Variants in MBL2 observed in about 807,000 individuals in gnomAD.
The protein encoded by MBL2 is mannose binding lectin 2.
Under a neutral mutation model 12.7 loss-of-function variants are expected in MBL2, and 6 were observed. That is an observed-to-expected ratio of 0.47 (90% confidence interval 0.26 to 0.94). The LOEUF (loss-of-function observed/expected upper bound fraction) is 0.94. MBL2 is among the 40% of genes least tolerant of loss of function. The probability of loss-of-function intolerance (pLI) is 0.15; values close to 1 mark genes in which losing one functional copy is unlikely to be tolerated. For missense variants in MBL2, 307 were observed against 295.2 expected, an observed-to-expected ratio of 1.04 and a Z score of -0.29; for synonymous variants, 114 against 112.0, an observed-to-expected ratio of 1.02 and a Z score of -0.11.
chr10:52,772,599 G>T lies in MBL2; in HGVS notation c.-10+138C>A, dbSNP rs993591650. The T allele has an allele frequency of 2.2e-5, 6 of 273,982 alleles. No homozygotes were observed. The South Asian group carries it at 5.6e-4, about 26-fold the overall frequency. The allele number at this position is 273,982 out of a possible 1,614,324, so 17.0% of individuals were successfully genotyped here. ...AGATGCTCCAGCACAAGCAGAAAAAGAGACATCCTCAACCTGATTTCTGCT... is the reference window on the plus strand; with the variant it reads ...AGATGCTCCAGCACAAGCAGAAAAATAGACATCCTCAACCTGATTTCTGCT... On this transcript the variant is annotated intron_variant, in intron 1 of 4. Coordinates refer to ENST00000674931, the MANE Select transcript of MBL2 (RefSeq NM_001378373.1).
At position 52,768,317 on chromosome 10, in the gene MBL2, C is replaced by T. The variant is rs750051774; in HGVS notation, c.567G>A (p.Glu189=). The T allele has an allele frequency of 3.7e-6, 6 of 1,613,900 alleles. No homozygotes were observed. The South Asian group carries it at 6.6e-5, about 18-fold the overall frequency. The change falls in exon 5 of 5, where the codon GAG becomes GAA. Residue 189 remains glutamate, a synonymous_variant. Coordinates refer to ENST00000674931, the MANE Select transcript of MBL2 (RefSeq NM_001378373.1). ...KEEAFLGITD[E]KTEGQFVDLT... ...GATCCACAAACTGCCCTTCTGTCTT[C>T]TCATCAGTGATGCCCAGGAAGGCTT... is the stretch of plus-strand genomic sequence containing the variant.
In MBL2 at chr10:52,768,599, C is replaced by T. The variant is rs79234922; in HGVS notation, c.374-89G>A. On this transcript the variant is annotated intron_variant, in intron 4 of 4. Transcript: ENST00000674931. ...GAAAAAGTCTTCTAGAGTACAGTTG[C>T]CGGATAAAATATAGTATGTCCAGTT... 7 of 888,326 alleles carry T rather than the reference C, an allele frequency of 7.9e-6. No individual in the cohort carries two copies. The East Asian group carries it at 1.3e-4, about 16-fold the overall frequency. The allele number at this position is 888,326 out of a possible 1,614,324, so 55.0% of individuals were successfully genotyped here.
At position 52,769,255 on chromosome 10, in the gene MBL2, A is replaced by T; in HGVS notation, c.365T>A (p.Ile122Asn). The T allele has an allele frequency of 6.2e-7, 1 of 1,609,112 alleles. No individual in the cohort carries two copies. The highest frequency in any genetic ancestry group is 8.5e-7 in the Non-Finnish European group (1 of 1,178,112). The change falls in exon 4 of 5, where the codon ATC becomes AAC. Residue 122 changes from isoleucine (I) to asparagine (N), a missense_variant. Transcript: ENST00000674931. ...RKALQTEMARIKKWLTFSLGK... is the reference protein window; with the variant it reads ...RKALQTEMARNKKWLTFSLGK... The stretch of plus-strand genomic sequence containing the variant: ...TAAGAGAAAAAGCTTACACTTTTTG[A>T]TACGTGCCATTTCTGTTTGCAGAGC...
chr10:52,769,477 A>C (rs1361144072), intron 3 of MBL2, among the ~76,000 whole-genome samples, 162 bp from the exon 4 acceptor site: 1 of 152,184 alleles, frequency 6.6e-6, no homozygotes, highest in African/African-American at 2.4e-5. Context: ...AAGCCCAAAG[A>C]ATGAAAAATC....
chr10:52,770,187 T>C (rs1014454732), intron 3 of MBL2, among the ~76,000 whole-genome samples: 1 of 152,228 alleles, frequency 6.6e-6, no homozygotes, highest in Non-Finnish European at 1.5e-5. Context: ...GACATGTGGG[T>C]AAGCCCAGCT....
Position 52,766,811 on chromosome 10 carries a change from A to G in MBL2, c.*1326T>C, listed in dbSNP as rs1401530904. The G allele has an allele frequency of 2.7e-5, 4 of 150,720 alleles. No individual in the cohort carries two copies. The highest frequency in any genetic ancestry group is 2.0e-4 in the Admixed American group (3 of 15,180). The allele number at this position is 150,720 out of a possible 1,614,324, so 9.3% of individuals were successfully genotyped here. ...TAACTTAAAAATCAGTAAGAAAAAT[A>G]TTGGCTAACTAATTTAAACAAAATA... On this transcript the variant is annotated 3_prime_UTR_variant, in exon 5 of 5. Transcript: ENST00000674931.
chr10:52,768,660 T>C, intron 4 of MBL2, 150 bp from the exon 5 acceptor site: 1 of 577,734 alleles, frequency 1.7e-6, no homozygotes, highest in Non-Finnish European at 2.9e-6. Context: ...AATATTTTAG[T>C]ATATCTCCCA....
chr10:52,770,612 A>ACCT, intron 3 of MBL2, 58 bp downstream of exon 3: 1 of 1,075,114 alleles, frequency 9.3e-7, no homozygotes, highest in Non-Finnish European at 1.3e-6. Flanking sequence ...CTCTTACCAG[A>ACCT]TACTCAAGGT....
Position 52,770,718 on chromosome 10 carries a change from C to A in MBL2, c.256G>T (p.Gly86Trp). 1 of 1,524,822 alleles carries A rather than the reference C, an allele frequency of 6.6e-7. No individual in the cohort carries two copies. The highest frequency in any genetic ancestry group is 1.3e-5 in the South Asian group (1 of 78,810). 94.5% of individuals were successfully genotyped at this position (1,524,822 alleles called of 1,614,324 possible). Residue 86 changes from glycine to tryptophan, a missense_variant, in exon 3 of 5, where the codon GGG (glycine) becomes TGG (tryptophan). Gly to Trp is a radical substitution (Grantham distance 184). Transcript: ENST00000674931. Reference sequence around the variant, plus strand: ...TTTTGGCCCTTTGGTCCTGGTGACCCAGAAGGCCCTGGATTTCCTGGAGGC... The same window carrying A: ...TTTTGGCCCTTTGGTCCTGGTGACCAAGAAGGCCCTGGATTTCCTGGAGGC... ...LGPPGNPGPS[G>W]SPGPKGQKGD...
chr10:52,769,648 A>G (rs1370410573), intron 3 of MBL2, among the ~76,000 whole-genome samples: 1 of 152,184 alleles, frequency 6.6e-6, no homozygotes, highest in African/African-American at 2.4e-5. Context: ...TATCAAAACT[A>G]AAAAGAAATC....
chr10:52,770,438 T>TA (rs111430970), intron 3 of MBL2, among the ~76,000 whole-genome samples: 2 of 152,240 alleles, frequency 1.3e-5, no homozygotes, highest in African/African-American at 4.8e-5. Context: ...GCTCAGCTCT[T>TA]ACAGGGAGTG....
chr10:52,767,340 G>A lies in MBL2; in HGVS notation c.*797C>T, dbSNP rs2132690145. On this transcript the variant is annotated 3_prime_UTR_variant, in exon 5 of 5. Transcript: ENST00000674931. ...GATGAAACTTTTGTACACATGACAT[G>A]AATGAATCTCACAGACTTAATTCTG... 6.6e-6 allele frequency: 1 copy of A among 152,112 alleles called. No individual in the cohort carries two copies. The highest frequency in any genetic ancestry group is 2.1e-4 in the South Asian group (1 of 4,830). The allele number at this position is 152,112 out of a possible 1,614,324, so 9.4% of individuals were successfully genotyped here. A position where few individuals can be genotyped will look rare whatever the true frequency, so the allele number is the denominator to read the frequency against.
rs1840377083 is a variant in MBL2, at chr10:52,770,707, T to A, written c.267A>T (p.Gly89=). 1 of 1,520,496 alleles carries A rather than the reference T, an allele frequency of 6.6e-7. No individual in the cohort carries two copies. Among genetic ancestry groups the A allele is most frequent in the Non-Finnish European group, 8.9e-7 (1 of 1,126,048 alleles). 94.2% of individuals were successfully genotyped at this position (1,520,496 alleles called of 1,614,324 possible). The change falls in exon 3 of 5, where the codon GGA becomes GGT. Residue 89 remains glycine, a synonymous_variant. Transcript: ENST00000674931. ...CAGGGTCTCCTTTTTGGCCCTTTGGTCCTGGTGACCCAGAAGGCCCTGGAT... is the reference window on the plus strand; with the variant it reads ...CAGGGTCTCCTTTTTGGCCCTTTGGACCTGGTGACCCAGAAGGCCCTGGAT... The part of the protein sequence containing the change: ...PGNPGPSGSP[G]PKGQKGDPGK...
At position 52,769,306 on chromosome 10, in the gene MBL2, C is replaced by T. The variant is rs137974936; in HGVS notation, c.314G>A (p.Ser105Asn). The part of the protein sequence containing the change: ...GDPGKSPDGD[S>N]SLAASERKAL... Reference sequence around the variant, plus strand: ...TTTTCTTTCTGAGGCAGCCAGGCTACTATCACCATCTAGAAAATTAGAACA... The same window carrying T: ...TTTTCTTTCTGAGGCAGCCAGGCTATTATCACCATCTAGAAAATTAGAACA... Residue 105 changes from serine to asparagine, a missense_variant, in exon 4 of 5, where the codon AGT (serine) becomes AAT (asparagine). Coordinates refer to ENST00000674931, the MANE Select transcript of MBL2 (RefSeq NM_001378373.1). 1 of 1,608,622 alleles carries T rather than the reference C, an allele frequency of 6.2e-7. No individual in the cohort carries two copies. Among genetic ancestry groups the T allele is most frequent in the East Asian group, 2.2e-5 (1 of 44,832 alleles).
At chr10:52,768,613 G>T in intron 4 of MBL2, 103 bp from the exon 5 acceptor site, 2 of 738,648 alleles carry the variant, frequency 2.7e-6, no homozygotes, top group Non-Finnish European at 4.3e-6. Context: ...ATAAAATATA[G>T]TATGTCCAGT....
At position 52,768,240 on chromosome 10, in the gene MBL2, T is replaced by G; in HGVS notation, c.644A>C (p.Asn215Thr). 1 of 1,613,880 alleles carries G rather than the reference T, an allele frequency of 6.2e-7. No individual in the cohort carries two copies. The highest frequency in any genetic ancestry group is 8.5e-7 in the Non-Finnish European group (1 of 1,180,026). Residue 215 changes from asparagine to threonine, a missense_variant, in exon 5 of 5, where the codon AAT (asparagine) becomes ACT (threonine). Transcript: ENST00000674931. ...YTNWNEGEPNNAGSDEDCVLL... is the reference protein window; with the variant it reads ...YTNWNEGEPNTAGSDEDCVLL... Reference sequence around the variant, plus strand: ...TACACAATCTTCATCAGAACCAGCATTGTTGGGTTCACCCTCGTTCCAGTT... The same window carrying G: ...TACACAATCTTCATCAGAACCAGCAGTGTTGGGTTCACCCTCGTTCCAGTT...
intron 3 of MBL2, among the ~76,000 whole-genome samples, chr10:52,769,594 A>G (rs1464928415): frequency 6.6e-6 from 1 of 152,214 alleles, no homozygotes; most frequent in Non-Finnish European, 1.5e-5. Context: ...CTAGCAATCC[A>G]TATGCCAGGT....
At position 52,766,768 on chromosome 10, in the gene MBL2, A is replaced by G. The variant is rs1013075119; in HGVS notation, c.*1369T>C. On this transcript the variant is annotated 3_prime_UTR_variant, in exon 5 of 5. Coordinates refer to ENST00000674931, the MANE Select transcript of MBL2 (RefSeq NM_001378373.1). ...ATTTGTAATACACATTAAAAAGGACATATTCAGAATGTAAAAATAACTTAA... is the reference window on the plus strand; with the variant it reads ...ATTTGTAATACACATTAAAAAGGACGTATTCAGAATGTAAAAATAACTTAA... 6.6e-6 allele frequency: 1 copy of G among 150,660 alleles called. No individual in the cohort carries two copies. The highest frequency in any genetic ancestry group is 2.5e-5 in the African/African-American group (1 of 40,080). 9.3% of individuals were successfully genotyped at this position (150,660 alleles called of 1,614,324 possible).
Position 52,768,256 on chromosome 10 carries a change from C to CATTGTTGG in MBL2, c.627_628insCCAACAAT (p.Glu210ProfsTer20). 1 of 1,613,890 alleles carries CATTGTTGG rather than the reference C, an allele frequency of 6.2e-7. No homozygotes were observed. Among genetic ancestry groups the CATTGTTGG allele is most frequent in the Non-Finnish European group, 8.5e-7 (1 of 1,180,022 alleles). ...GAACCAGCATTGTTGGGTTCACCCT[C>CATTGTTGG]GTTCCAGTTTGTGTAGGTCAGTCTA... is the stretch of plus-strand genomic sequence containing the variant. On this transcript the variant is annotated frameshift_variant, in exon 5 of 5. Coordinates refer to ENST00000674931, the MANE Select transcript of MBL2 (RefSeq NM_001378373.1). LOFTEE classifies it low-confidence loss of function (END_TRUNC).
Sources: gnomAD v4.1 joint callset for allele counts (sites outside exome capture counted in the v4.1 genomes callset) on GRCh38, gnomAD v4.1.1 for gene constraint, MANE v1.5 for transcripts, NCBI Gene and HGNC (gene_info 2026-07-23, HGNC 2026-07-21) for gene names.